Variants in ZNF320 observed in about 807,000 individuals in gnomAD.
ZNF320 encodes zinc finger protein 320.
In ZNF320, 2 loss-of-function variants were observed where a neutral mutation model predicts 6.8. The ratio of observed to expected loss-of-function variants is 0.29; its 90% CI spans 0.12 to 0.93. The LOEUF (loss-of-function observed/expected upper bound fraction) is 0.93. ZNF320 is among the 40% of genes least tolerant of loss of function. The pLI is 0.55. For synonymous variants in ZNF320, 208 were observed against 203.2 expected, an observed-to-expected ratio of 1.02 and a Z score of -0.20; for missense variants, 472 against 611.0, an observed-to-expected ratio of 0.77 and a Z score of 2.40.
intron 2 of ZNF320, among the ~76,000 whole-genome samples, chr19:52,891,873 G>A (rs1199593557): frequency 6.6e-6 from 1 of 152,184 alleles, no homozygotes; most frequent in Non-Finnish European, 1.5e-5. Context: ...TTACATGGGG[G>A]CCCAGAAGGG....
In ZNF320 at chr19:52,881,298, A is replaced by G. The variant is rs2147815344; in HGVS notation, c.828T>C (p.Asn276=). Residue 276 remains asparagine (N), a synonymous_variant, in exon 6 of 6, where the codon AAT becomes AAC. Transcript: ENST00000682928. ...LHTGEKPYKC[N]ECGKTFARNS... is the part of the protein sequence containing the mutation. ...TTCGAGCGAAGGTCTTGCCACACTC[A>G]TTACATTTGTAAGGTTTCTCTCCAG... 2 of 1,614,008 alleles carry G rather than the reference A, an allele frequency of 1.2e-6. No individual in the cohort carries two copies. The highest frequency in any genetic ancestry group is 1.3e-5 in the African/African-American group (1 of 74,990).
upstream of ZNF320, among the ~76,000 whole-genome samples, chr19:52,898,425 G>A (rs2064535725): frequency 6.6e-6 from 1 of 152,198 alleles, no homozygotes; most frequent in African/African-American, 2.4e-5. Context: ...GTCCAGGCCA[G>A]CGTGGGCGAC....
At chr19:52,865,740 TAC>T (rs1207583639) in intron 5 of ZNF320, among the ~76,000 whole-genome samples, 2 of 112,412 alleles carry the variant, frequency 1.8e-5, no homozygotes, top group Non-Finnish European at 3.4e-5. Flanking sequence ...TATATGATTA[TAC>T]ACATATATTT....
intron 3 of ZNF320, 195 bp from the exon 4 acceptor site, chr19:52,890,523 G>A: frequency 2.1e-6 from 1 of 480,790 alleles, no homozygotes; most frequent in Non-Finnish European, 3.6e-6. Flanking sequence ...CTGCAGCAGT[G>A]GGGAGCTGGG....
chr19:52,898,706 T>G (rs11670402), upstream of ZNF320, among the ~76,000 whole-genome samples: 6,540 of 152,274 alleles, frequency 0.043, 197 homozygotes, highest in Non-Finnish European at 0.064. Context: ...CGTGATTGAT[T>G]TGAGCGAGCA....
At chr19:52,861,863 TTC>T (rs2066101419) in exon 6 of ZNF320, 1 of 386,588 alleles carries the variant, frequency 2.6e-6, no homozygotes, top group Non-Finnish European at 5.2e-6. Context: ...CCAGTAGGGA[TTC>T]TCTGATGCCT....
rs376060900 is a variant in ZNF320 at position 52,871,165 on chromosome 19, A to C, written c.223+2827T>G. 2.7e-4 allele frequency among the ~76,000 whole-genome samples: 41 copies of C among 152,152 alleles called. No individual in the cohort carries two copies. The South Asian group carries it at 2.9e-3, about 11-fold the overall frequency. ...CCATCTCAAAATAAATAAATAAATA[A>C]AACAATTAGCCGCTTGTGGTGACAC... On this transcript the variant is annotated intron_variant, in intron 5 of 5. Coordinates refer to the ZNF320 transcript ENST00000673631.
At chr19:52,896,047 CAAT>C (rs2064461069) in intron 1 of ZNF320, among the ~76,000 whole-genome samples, 2 of 152,030 alleles carry the variant, frequency 1.3e-5, no homozygotes, top group South Asian at 4.2e-4. Flanking sequence ...AGTTGGAAAA[CAAT>C]GATGTGAGCT....
At chr19:52,859,572 G>A (rs1378387386), downstream of ZNF320, among the ~76,000 whole-genome samples, 1 of 152,198 alleles carries the variant, frequency 6.6e-6, no homozygotes, top group African/African-American at 2.4e-5. Context: ...AAGGGGGCCC[G>A]TGTTCCCATG....
intron 1 of ZNF320, among the ~76,000 whole-genome samples, chr19:52,896,489 G>A (rs2064476902): frequency 6.6e-6 from 1 of 152,100 alleles, no homozygotes; most frequent in Non-Finnish European, 1.5e-5. Flanking sequence ...CAGCTGGATC[G>A]CTTGAGCCCT....
At chr19:52,899,378 A>G (rs556373908), upstream of ZNF320, among the ~76,000 whole-genome samples, 3 of 152,116 alleles carry the variant, frequency 2.0e-5, no homozygotes, top group African/African-American at 7.2e-5. Flanking sequence ...TGTGTAGACA[A>G]CAATTAGTAA....
downstream of ZNF320, among the ~76,000 whole-genome samples, chr19:52,859,948 T>C (rs2063477305): frequency 6.6e-6 from 1 of 150,806 alleles, no homozygotes; most frequent in South Asian, 2.1e-4. Context: ...TGTATCGCTC[T>C]GTCACCCAGG....
Position 52,868,162 on chromosome 19 carries a change from C to A in ZNF320, c.224-4003G>T, listed in dbSNP as rs535814648. On this transcript the variant is annotated intron_variant, in intron 5 of 5. Coordinates refer to the ZNF320 transcript ENST00000673631. The stretch of plus-strand genomic sequence containing the variant: ...TACACAAAGGCAGTTTACAGCCTGT[C>A]ATATAAAAGCTGCAATGTGTGAAGC... 5.3e-3 allele frequency among the ~76,000 whole-genome samples: 805 copies of A among 152,250 alleles called. 9 individuals carry two copies. Among genetic ancestry groups the A allele is most frequent in the African/African-American group, 0.017 (687 of 41,540 alleles).
intron 5 of ZNF320, among the ~76,000 whole-genome samples, chr19:52,885,349 G>A (rs2064042000): frequency 6.6e-6 from 1 of 152,160 alleles, no homozygotes. Flanking sequence ...GGGAGGGCAA[G>A]CCAGGCGGAT....
At chr19:52,896,851 G>A (rs1485043642) in intron 1 of ZNF320, among the ~76,000 whole-genome samples, 1 of 152,188 alleles carries the variant, frequency 6.6e-6, no homozygotes, top group African/African-American at 2.4e-5. Flanking sequence ...ATCAAAGGCC[G>A]CTGTCCCTAC....
chr19:52,865,520 T>TC (rs2063535570), intron 5 of ZNF320: 1 of 138,958 alleles, frequency 7.2e-6, no homozygotes, highest in African/African-American at 2.8e-5. Flanking sequence ...TTATATATTA[T>TC]ACATATATAT....
At chr19:52,892,710 T>C (rs11669567) in intron 2 of ZNF320, among the ~76,000 whole-genome samples, 48,219 of 148,632 alleles carry the variant, frequency 0.32, 7,819 homozygotes, top group South Asian at 0.46. Flanking sequence ...CCCATCTCTG[T>C]GCATCCTCTG....
Position 52,877,514 on chromosome 19 carries a change from A to G in ZNF320, c.*3082T>C, listed in dbSNP as rs769438085. On this transcript the variant is annotated 3_prime_UTR_variant, in exon 6 of 6. Coordinates refer to ENST00000682928, the MANE Select transcript of ZNF320 (RefSeq NM_001351774.2). Reference sequence around the variant, plus strand: ...AGATAGACATTTGACTCAGGTGTGCAGAGGGATGGGCTCTTTCCCACATCT... The same window carrying G: ...AGATAGACATTTGACTCAGGTGTGCGGAGGGATGGGCTCTTTCCCACATCT... The G allele has an allele frequency of 8.5e-5, 13 of 152,228 alleles. No homozygotes were observed. The highest frequency in any genetic ancestry group is 1.5e-4 in the Non-Finnish European group (10 of 68,052). The allele number at this position is 152,228 out of a possible 1,614,324, so 9.4% of individuals were successfully genotyped here. A position where few individuals can be genotyped will look rare whatever the true frequency, so the allele number is the denominator to read the frequency against.
At position 52,881,700 on chromosome 19, in the gene ZNF320, T is replaced by G. The variant is rs1217342098; in HGVS notation, c.426A>C (p.Ser142=). The G allele has an allele frequency of 1.2e-6, 2 of 1,614,002 alleles. No individual in the cohort carries two copies. Among genetic ancestry groups the G allele is most frequent in the Non-Finnish European group, 1.7e-6 (2 of 1,179,880 alleles). ...GNKPIKGQLE[S]RFHLHLRRHR... ...GTCTTCGCAAATGCAAATGAAATCT[T>G]GATTCAAGCTGACCTTTAATAGGCT... The change falls in exon 6 of 6, where the codon TCA becomes TCC. Residue 142 remains serine, a synonymous_variant. Transcript: ENST00000682928.
Sources: gnomAD v4.1 joint callset for allele counts (sites outside exome capture counted in the v4.1 genomes callset) on GRCh38, gnomAD v4.1.1 for gene constraint, MANE v1.5 for transcripts, NCBI Gene and HGNC (gene_info 2026-07-23, HGNC 2026-07-21) for gene names.